Variants in EFCAB6 observed in about 807,000 individuals in gnomAD.
The protein encoded by EFCAB6 is EF-hand calcium binding domain 6.
In EFCAB6, 156 loss-of-function variants were observed where a neutral mutation model predicts 169.8. That is an observed-to-expected ratio of 0.92 (90% CI 0.81 to 1.05). The LOEUF (loss-of-function observed/expected upper bound fraction) is 1.05. Among genes scored for constraint, EFCAB6 ranks in the 50% least tolerant of loss-of-function variants. EFCAB6 has a pLI of 0.00. For missense variants in EFCAB6, 1,800 were observed against 1,829.1 expected, an observed-to-expected ratio of 0.98 and a Z score of 0.29; for synonymous variants, 698 against 676.4, an observed-to-expected ratio of 1.03 and a Z score of -0.50.
At chr22:43,588,385 C>T (rs961985632) in intron 24 of EFCAB6, among the ~76,000 whole-genome samples, 2 of 152,070 alleles carry the variant, frequency 1.3e-5, no homozygotes, top group African/African-American at 2.4e-5. Context: ...TGAGATAGCG[C>T]ATCCATGAAA....
intron 28 of EFCAB6, among the ~76,000 whole-genome samples, chr22:43,539,397 A>G (rs1450232553): frequency 6.6e-6 from 1 of 152,240 alleles, no homozygotes; most frequent in Non-Finnish European, 1.5e-5. Context: ...GTTCATTCTC[A>G]GCTATAGAAA....
At chr22:43,784,556 T>TAC (rs1387865127) in intron 2 of EFCAB6, among the ~76,000 whole-genome samples, 1,430 of 72,740 alleles carry the variant, frequency 0.02, 141 homozygotes, top group East Asian at 0.05. Context: ...TATGTATATA[T>TAC]ACACATATAT....
At chr22:43,552,433 G>A (rs1486745394) in intron 27 of EFCAB6, 1 of 152,176 alleles carries the variant, frequency 6.6e-6, no homozygotes, top group African/African-American at 2.4e-5. Context: ...CAACAGTGTA[G>A]AAGCATTCCT....
At position 43,753,138 on chromosome 22, in the gene EFCAB6, A is replaced by C. The variant is rs570167847; in HGVS notation, c.507+2628T>G. On this transcript the variant is annotated intron_variant, in intron 6 of 31. Coordinates refer to ENST00000262726, the MANE Select transcript of EFCAB6 (RefSeq NM_022785.4). ...CCCCACCGCCCCCAGCAGCAGAGGC[A>C]GGGTTTCAGCCCAGGTGTACCTGAT... Among the ~76,000 whole-genome samples, 99 of 152,316 alleles carry C rather than the reference A, an allele frequency of 6.5e-4. 1 individual carries two copies. Among genetic ancestry groups the C allele is most frequent in the African/African-American group, 2.3e-3 (97 of 41,580 alleles).
intron 25 of EFCAB6, among the ~76,000 whole-genome samples, chr22:43,579,579 CCT>C (rs2050559092): frequency 2.7e-5 from 4 of 150,638 alleles, no homozygotes; most frequent in Admixed American, 1.3e-4. Context: ...GGCATCATTC[CCT>C]ACACGCAGGC....
At position 43,540,372 on chromosome 22, in the gene EFCAB6, G is replaced by A. The variant is rs1460230250; in HGVS notation, c.3649-15C>T. The A allele has an allele frequency of 1.2e-6, 2 of 1,613,736 alleles. No homozygotes were observed. The highest frequency in any genetic ancestry group is 1.7e-6 in the Non-Finnish European group (2 of 1,180,010). The stretch of plus-strand genomic sequence containing the variant: ...AGTCTGTCAAACTGGAGAAGGAGCA[G>A]AAGTCATTTCCCAGGTGTCAGTGCA... On this transcript the variant is annotated splice_polypyrimidine_tract_variant and intron_variant, in intron 27 of 31. Coordinates refer to ENST00000262726, the MANE Select transcript of EFCAB6 (RefSeq NM_022785.4).
At chr22:43,757,286 G>A (rs1341460621) in intron 5 of EFCAB6, among the ~76,000 whole-genome samples, 1 of 152,190 alleles carries the variant, frequency 6.6e-6, no homozygotes, top group African/African-American at 2.4e-5. Flanking sequence ...GGTGGCTCAC[G>A]CCTGTAATCC....
At chr22:43,737,599 TCACA>T (rs1352372677) in intron 6 of EFCAB6, among the ~76,000 whole-genome samples, 1 of 136,388 alleles carries the variant, frequency 7.3e-6, no homozygotes, top group Non-Finnish European at 1.6e-5. Context: ...ACACCATCAC[TCACA>T]CACATATATT....
chr22:43,590,755 A>G (rs570967325), intron 23 of EFCAB6, among the ~76,000 whole-genome samples: 1 of 152,138 alleles, frequency 6.6e-6, no homozygotes, highest in Admixed American at 6.5e-5. Context: ...AAAAAAAAAA[A>G]AAAAAGACAG....
rs181128708 is a variant in EFCAB6, at chr22:43,546,644, G to A, written c.3649-6287C>T. 5.2e-3 allele frequency among the ~76,000 whole-genome samples: 792 copies of A among 152,220 alleles called. 4 individuals are homozygous for A. Among genetic ancestry groups the A allele is most frequent in the Middle Eastern group, 0.041 (12 of 294 alleles). ...CCAGCACTTTGGGAGGCCAAGATGG[G>A]CAGATCACCTGAGGTCAGGAGTTCG... On this transcript the variant is annotated intron_variant, in intron 27 of 31. Coordinates refer to ENST00000262726, the MANE Select transcript of EFCAB6 (RefSeq NM_022785.4).
chr22:43,656,883 G>A (rs5764189), intron 17 of EFCAB6, among the ~76,000 whole-genome samples: 60,645 of 151,084 alleles, frequency 0.4, 12,855 homozygotes, highest in East Asian at 0.76. Context: ...ATCGCCTAAC[G>A]ATGCGTTTCT....
intron 26 of EFCAB6, among the ~76,000 whole-genome samples, chr22:43,571,912 C>G (rs2147216268): frequency 6.6e-6 from 1 of 152,306 alleles, no homozygotes; most frequent in South Asian, 2.1e-4. Context: ...TTTACTCGTC[C>G]TCCTGGTAAA....
At chr22:43,695,582 A>C (rs1469056497) in intron 10 of EFCAB6, among the ~76,000 whole-genome samples, 1 of 152,118 alleles carries the variant, frequency 6.6e-6, no homozygotes, top group Non-Finnish European at 1.5e-5. Context: ...TCTAATTTCA[A>C]GACTTAACTC....
chr22:43,673,919 A>G (rs986646203), intron 13 of EFCAB6, among the ~76,000 whole-genome samples: 1 of 151,288 alleles, frequency 6.6e-6, no homozygotes, highest in African/African-American at 2.4e-5. Context: ...GTGAGCCGAG[A>G]TCGCGCCACT....
In EFCAB6 at chr22:43,678,176, G is replaced by C. The variant is rs1238190165; in HGVS notation, c.1252-13C>G. The C allele has an allele frequency of 4.9e-6, 7 of 1,441,026 alleles. No individual in the cohort carries two copies. Among genetic ancestry groups the C allele is most frequent in the African/African-American group, 1.5e-5 (1 of 67,454 alleles). 89.3% of individuals were successfully genotyped at this position (1,441,026 alleles called of 1,614,324 possible). A position where few individuals can be genotyped will look rare whatever the true frequency, so the allele number is the denominator to read the frequency against. ...GTCCATCGGGTTTCTGAGCATCAGA[G>C]TGTATATAAGGGAATTTTTGAAAAA... is the stretch of plus-strand genomic sequence containing the variant. On this transcript the variant is annotated splice_polypyrimidine_tract_variant and intron_variant, in intron 12 of 31. Transcript: ENST00000262726.
intron 26 of EFCAB6, among the ~76,000 whole-genome samples, chr22:43,565,681 A>G (rs12628673): frequency 1.3e-5 from 2 of 152,146 alleles, no homozygotes; most frequent in African/African-American, 4.8e-5. Flanking sequence ...ATCTGACTGT[A>G]TGATTCATAT....
chr22:43,689,442 G>A (rs941686730), intron 10 of EFCAB6, among the ~76,000 whole-genome samples: 1 of 151,162 alleles, frequency 6.6e-6, no homozygotes, highest in African/African-American at 2.4e-5. Flanking sequence ...TAATAGAGAA[G>A]GCTTGCTTTC....
At chr22:43,801,131 ACTT>A (rs1418174046) in intron 2 of EFCAB6, among the ~76,000 whole-genome samples, 1 of 152,238 alleles carries the variant, frequency 6.6e-6, no homozygotes, top group Non-Finnish European at 1.5e-5. Context: ...CTGGCAACAG[ACTT>A]CTTAACAGAA....
At chr22:43,663,158 C>T (rs911619097) in intron 17 of EFCAB6, among the ~76,000 whole-genome samples, 2 of 152,194 alleles carry the variant, frequency 1.3e-5, no homozygotes, top group Non-Finnish European at 2.9e-5. Context: ...GTTATTATTC[C>T]AGCAATGACA....
Sources: gnomAD v4.1 joint callset for allele counts (sites outside exome capture counted in the v4.1 genomes callset) on GRCh38, gnomAD v4.1.1 for gene constraint, MANE v1.5 for transcripts, NCBI Gene and HGNC (gene_info 2026-07-23, HGNC 2026-07-21) for gene names.